Variants in ELP4 observed in about 807,000 individuals in gnomAD.
ELP4 encodes elongator complex protein 4.
ELP4 carries 51 observed loss-of-function variants against 48.9 expected under a neutral mutation model. The ratio of observed to expected loss-of-function variants is 1.04; its 90% CI spans 0.83 to 1.32. The LOEUF (loss-of-function observed/expected upper bound fraction) is 1.32. Among genes scored for constraint, ELP4 ranks in the 40% most tolerant of loss-of-function variants. ELP4 has a pLI of 0.00. For missense variants in ELP4, 519 were observed against 514.6 expected, an observed-to-expected ratio of 1.01 and a Z score of -0.08; for synonymous variants, 210 against 189.2, an observed-to-expected ratio of 1.11 and a Z score of -0.90.
At chr11:31,612,639 C>T (rs1958003055) in intron 5 of ELP4, among the ~76,000 whole-genome samples, 1 of 152,074 alleles carries the variant, frequency 6.6e-6, no homozygotes, top group East Asian at 1.9e-4. Flanking sequence ...AGAGAAGGGG[C>T]AGTACACTGG....
chr11:31,668,488 C>CTT (rs754925129), intron 9 of ELP4, among the ~76,000 whole-genome samples: 2 of 141,086 alleles, frequency 1.4e-5, no homozygotes, highest in Non-Finnish European at 1.6e-5. Context: ...TGTTGTAATT[C>CTT]TTTTTTTTTT....
chr11:31,678,588 C>G (rs1224485929), intron 9 of ELP4, among the ~76,000 whole-genome samples: 1 of 150,438 alleles, frequency 6.6e-6, no homozygotes, highest in African/African-American at 2.5e-5. Context: ...GGCTTGATAA[C>G]TCATTTCTTT....
intron 3 of ELP4, among the ~76,000 whole-genome samples, chr11:31,592,224 G>T (rs1189584524): frequency 6.6e-6 from 1 of 152,086 alleles, no homozygotes; most frequent in Non-Finnish European, 1.5e-5. Context: ...TTGTTTTTAT[G>T]TTATGTCAAT....
chr11:31,715,432 A>G (rs939154089), intron 9 of ELP4, among the ~76,000 whole-genome samples: 1 of 152,226 alleles, frequency 6.6e-6, no homozygotes, highest in Admixed American at 6.5e-5. Context: ...CTGAAGATGG[A>G]AAAATGTAGG....
chr11:31,511,062 TAAG>T (rs1955991314), intron 1 of ELP4: 4 of 152,364 alleles, frequency 2.6e-5, no homozygotes, highest in East Asian at 1.9e-4. Context: ...GCAGAGAAAG[TAAG>T]AAGACCAGCA....
At chr11:31,623,354 AATATATATAT>A (rs779632233) in intron 5 of ELP4, among the ~76,000 whole-genome samples, 1 of 9,244 alleles carries the variant, frequency 1.1e-4, no homozygotes, top group Non-Finnish European at 4.0e-4. Context: ...ATTTTCAGCA[AATATATATAT>A]ATATATATAT....
chr11:31,731,305 A>AACTCAGAGAAACT (rs1346333805), intron 9 of ELP4, among the ~76,000 whole-genome samples: 1 of 152,230 alleles, frequency 6.6e-6, no homozygotes, highest in Non-Finnish European at 1.5e-5. Flanking sequence ...ATGTTAATCA[A>AACTCAGAGAAACT]ACTCAGAGAA....
intron 9 of ELP4, among the ~76,000 whole-genome samples, chr11:31,685,739 G>A (rs1946146760): frequency 6.6e-6 from 1 of 152,094 alleles, no homozygotes; most frequent in Non-Finnish European, 1.5e-5. Context: ...AGATCATCTT[G>A]GCTAATATGG....
chr11:31,668,883 A>G (rs984722090), intron 9 of ELP4, among the ~76,000 whole-genome samples: 1 of 151,986 alleles, frequency 6.6e-6, no homozygotes, highest in African/African-American at 2.4e-5. Context: ...TAACTCATTT[A>G]GTAAATATTT....
At chr11:31,701,586 T>G (rs948930163) in intron 9 of ELP4, among the ~76,000 whole-genome samples, 1 of 151,798 alleles carries the variant, frequency 6.6e-6, no homozygotes, top group African/African-American at 2.4e-5. Flanking sequence ...TAGCTCTGTC[T>G]CCTGGGTTCT....
At chr11:31,573,548 T>C (rs954707284) in intron 3 of ELP4, 5 of 152,196 alleles carry the variant, frequency 3.3e-5, no homozygotes, top group African/African-American at 1.2e-4. Flanking sequence ...AGACTGCTGC[T>C]TTCTCACTGT....
intron 3 of ELP4, among the ~76,000 whole-genome samples, chr11:31,540,349 A>C (rs111681671): frequency 1.4e-4 from 21 of 152,250 alleles, no homozygotes; most frequent in African/African-American, 4.8e-4. Context: ...ATAAAAACAA[A>C]AGGGACATCT....
intron 9 of ELP4, chr11:31,763,307 A>G (rs1947983759): frequency 1.9e-5 from 20 of 1,055,944 alleles, no homozygotes; most frequent in Non-Finnish European, 2.4e-5. Flanking sequence ...AAGATACACA[A>G]TTGAGAAAGA....
intron 3 of ELP4, among the ~76,000 whole-genome samples, chr11:31,549,383 A>G (rs558945974): frequency 6.6e-6 from 1 of 152,374 alleles, no homozygotes; most frequent in East Asian, 1.9e-4. Flanking sequence ...AACCCATGAA[A>G]AAATGCTCAC....
At chr11:31,625,407 A>C (rs897370234) in intron 5 of ELP4, among the ~76,000 whole-genome samples, 2 of 151,858 alleles carry the variant, frequency 1.3e-5, no homozygotes, top group African/African-American at 4.8e-5. Flanking sequence ...GAATCAACAT[A>C]AGTGTTCATC....
Position 31,783,598 on chromosome 11 carries a change from T to C in ELP4, c.*74T>C. ...TGATTGCTAATAGCTTATGTAAATA[T>C]TTTTCTTAACAATTTGACCCTCCAC... is the stretch of plus-strand genomic sequence containing the variant. On this transcript the variant is annotated 3_prime_UTR_variant, in exon 10 of 10. Coordinates refer to ENST00000640961, the MANE Select transcript of ELP4 (RefSeq NM_019040.5). 7.0e-7 allele frequency: 1 copy of C among 1,423,414 alleles called. No homozygotes were observed. The allele number at this position is 1,423,414 out of a possible 1,614,324, so 88.2% of individuals were successfully genotyped here. A position where few individuals can be genotyped will look rare whatever the true frequency, so the allele number is the denominator to read the frequency against.
chr11:31,565,000 A>G (rs532574757), intron 3 of ELP4, among the ~76,000 whole-genome samples: 2 of 152,310 alleles, frequency 1.3e-5, no homozygotes, highest in East Asian at 1.9e-4. Flanking sequence ...CCAACAGTAT[A>G]AAAGTGTTCC....
At chr11:31,614,014 A>T (rs1389215808) in intron 5 of ELP4, among the ~76,000 whole-genome samples, 1 of 152,052 alleles carries the variant, frequency 6.6e-6, no homozygotes, top group Non-Finnish European at 1.5e-5. Context: ...CCTGGCCTGA[A>T]CACTTGAGTC....
At chr11:31,578,291 A>G (rs1442419699) in intron 3 of ELP4, among the ~76,000 whole-genome samples, 2 of 152,270 alleles carry the variant, frequency 1.3e-5, no homozygotes, top group East Asian at 3.9e-4. Context: ...GAAAGAAGAG[A>G]ATACAAACAA....
Sources: gnomAD v4.1 joint callset for allele counts (sites outside exome capture counted in the v4.1 genomes callset) on GRCh38, gnomAD v4.1.1 for gene constraint, MANE v1.5 for transcripts, NCBI Gene and HGNC (gene_info 2026-07-23, HGNC 2026-07-21) for gene names.